Variants in RPL9 observed in about 807,000 individuals in gnomAD.
RPL9 encodes large ribosomal subunit protein uL6.
For synonymous variants in RPL9, 82 were observed against 77.1 expected (o/e 1.06, Z -0.33); for missense variants, 149 against 236.7 (o/e 0.63, Z 2.43).
rs1432273033 is a variant in RPL9, at chr4:39,458,312, A to G, written c.47-3T>C. The stretch of plus-strand genomic sequence containing the variant: ...GCGTCCCTTCAGAGTAATGTCGACT[A>G]GAAGAGAGAACACACTCGTCAGGCC... On this transcript the variant is annotated splice_region_variant and splice_polypyrimidine_tract_variant and intron_variant, in intron 2 of 7. Transcript: ENST00000295955. 14 of 1,614,080 alleles carry G rather than the reference A, an allele frequency of 8.7e-6. 1 individual carries two copies. Among genetic ancestry groups the G allele is most frequent in the South Asian group, 7.7e-5 (7 of 91,078 alleles).
intron 5 of RPL9, 43 bp downstream of exon 5, chr4:39,456,363 T>C (rs770854373): frequency 2.3e-5 from 37 of 1,612,324 alleles, no homozygotes; most frequent in Non-Finnish European, 5.1e-6. Flanking sequence ...GAAAAAAATA[T>C]GAAGGAAAAA....
intron 7 of RPL9, 134 bp from the exon 8 acceptor site, chr4:39,454,359 T>C (rs1480238570): frequency 1.7e-6 from 1 of 579,670 alleles, no homozygotes; most frequent in Non-Finnish European, 3.1e-6. Flanking sequence ...CATAGTAAAC[T>C]ATACGTAGTA....
At chr4:39,455,549 G>A (rs980524223) in intron 5 of RPL9, among the ~76,000 whole-genome samples, 1 of 151,292 alleles carries the variant, frequency 6.6e-6, no homozygotes, top group African/African-American at 2.4e-5. Context: ...AATTAGCTGG[G>A]GCCAGGCACC....
chr4:39,458,530 G>A (rs1403724683), intron 1 of RPL9, 90 bp from the exon 2 acceptor site: 10 of 1,391,408 alleles, frequency 7.2e-6, no homozygotes, highest in South Asian at 2.5e-5. Flanking sequence ...ACTGGAGACT[G>A]CCAGGCGGAA....
intron 5 of RPL9, chr4:39,455,336 T>A (rs1431853758): frequency 2.5e-5 from 4 of 159,980 alleles, no homozygotes; most frequent in African/African-American, 9.6e-5. Flanking sequence ...ATAGCTAGTA[T>A]CAGAGTATTT....
chr4:39,456,397 T>C lies in RPL9; in HGVS notation c.391+9A>G. 6.2e-7 allele frequency: 1 copy of C among 1,614,108 alleles called. No homozygotes were observed. Among genetic ancestry groups the C allele is most frequent in the South Asian group, 1.1e-5 (1 of 91,080 alleles). On this transcript the variant is annotated intron_variant, in intron 5 of 7. Transcript: ENST00000295955. ...AATTTCTTAATTCTGTCTGAGGGTATGCACATACCTGGTCTCATCCGAACC... is the reference window on the plus strand; with the variant it reads ...AATTTCTTAATTCTGTCTGAGGGTACGCACATACCTGGTCTCATCCGAACC...
At chr4:39,458,173 T>A in intron 3 of RPL9, 21 bp downstream of exon 3, 1 of 1,612,124 alleles carries the variant, frequency 6.2e-7, no homozygotes, top group African/African-American at 1.3e-5. Flanking sequence ...GCAACTGAAT[T>A]ATCAGAAGAA....
At chr4:39,457,791 A>G (rs1384376136) in intron 3 of RPL9, 110 bp from the exon 4 acceptor site, 2 of 956,298 alleles carry the variant, frequency 2.1e-6, no homozygotes, top group South Asian at 1.4e-5. Flanking sequence ...ATCAAAGCAC[A>G]TGGTTTTCAA....
At chr4:39,456,302 A>T in intron 5 of RPL9, 104 bp downstream of exon 5, 1 of 1,317,220 alleles carries the variant, frequency 7.6e-7, no homozygotes, top group Non-Finnish European at 1.1e-6. Context: ...ACTCAGCACA[A>T]ACACAAAACA....
chr4:39,458,456 T>G lies in RPL9; in HGVS notation c.-1-16A>C, dbSNP rs1744220394. On this transcript the variant is annotated splice_polypyrimidine_tract_variant and intron_variant, in intron 1 of 7. Transcript: ENST00000295955. ...AGTCTTCATTCTGAAACACAAACAC[T>G]GGGGGTGAGGCCGACGCAAGGCCCG... The G allele has an allele frequency of 1.2e-6, 2 of 1,613,788 alleles. No individual in the cohort carries two copies. Among genetic ancestry groups the G allele is most frequent in the South Asian group, 1.1e-5 (1 of 91,084 alleles).
chr4:39,454,539 G>C lies in RPL9; in HGVS notation c.*4C>G. On this transcript the variant is annotated 3_prime_UTR_variant, in exon 7 of 8. Transcript: ENST00000295955. ...AGACACTGTAAGAACTTACCTCTTA[G>C]ATCTTATTCATCAGCCTGCTGAACA... The C allele has an allele frequency of 6.2e-7, 1 of 1,604,712 alleles. No homozygotes were observed. Among genetic ancestry groups the C allele is most frequent in the South Asian group, 1.1e-5 (1 of 90,264 alleles).
At chr4:39,456,074 C>A in intron 5 of RPL9, 1 of 335,368 alleles carries the variant, frequency 3.0e-6, no homozygotes, top group South Asian at 2.5e-5. Context: ...GTTGAAACAT[C>A]ACATTGTGCT....
chr4:39,455,428 G>A (rs964048536), intron 5 of RPL9, among the ~76,000 whole-genome samples: 1 of 145,442 alleles, frequency 6.9e-6, no homozygotes, highest in African/African-American at 2.5e-5. Flanking sequence ...TGCATCAAGA[G>A]GCCGAGCCAG....
At chr4:39,458,070 G>T in intron 3 of RPL9, 124 bp downstream of exon 3, 2 of 949,634 alleles carry the variant, frequency 2.1e-6, no homozygotes, top group Non-Finnish European at 3.3e-6. Flanking sequence ...CTGGTATTCT[G>T]GACAGCAACA....
chr4:39,454,303 A>T, intron 7 of RPL9, 78 bp from the exon 8 acceptor site: 1 of 404,376 alleles, frequency 2.5e-6, no homozygotes, highest in African/African-American at 2.1e-5. Context: ...TTTCTGTACT[A>T]TTCTAAATAA....
intron 3 of RPL9, 27 bp downstream of exon 3, chr4:39,458,167 C>T (rs1205067097): frequency 1.2e-6 from 2 of 1,610,644 alleles, no homozygotes; most frequent in South Asian, 2.2e-5. Context: ...CAACGAGCAA[C>T]TGAATTATCA....
chr4:39,457,353 T>TA (rs60817258), intron 4 of RPL9: 115,503 of 300,816 alleles, frequency 0.38, 13,732 homozygotes, highest in African/African-American at 0.42. Flanking sequence ...CAGCCTTGAT[T>TA]AAAAAAAAAA....
At chr4:39,458,780 G>A in intron 1 of RPL9, 111 bp downstream of exon 1, 1 of 681,930 alleles carries the variant, frequency 1.5e-6, no homozygotes, top group Non-Finnish European at 2.7e-6. Context: ...CGCTTGCCGA[G>A]CTGGGGGACA....
chr4:39,456,561 C>T, intron 4 of RPL9, 23 bp from the exon 5 acceptor site: 1 of 1,611,416 alleles, frequency 6.2e-7, no homozygotes. Context: ...AATAAGCAAG[C>T]TATTAGCAAT....
Sources: gnomAD v4.1 joint callset for allele counts (sites outside exome capture counted in the v4.1 genomes callset) on GRCh38, gnomAD v4.1.1 for gene constraint, MANE v1.5 for transcripts, NCBI Gene and HGNC (gene_info 2026-07-23, HGNC 2026-07-21) for gene names.